HINFP: variants seen among roughly 807,000 people sequenced by gnomAD.
HINFP encodes the protein MBD2 (methyl-CpG-binding protein)-interacting zinc finger protein.
A neutral mutation model predicts 50.1 loss-of-function variants in HINFP; 20 were observed. The observed-to-expected ratio is 0.40, with a 90% confidence interval of 0.28 to 0.58. HINFP has a LOEUF of 0.58. Ranked by LOEUF, HINFP falls within the 20% of genes least tolerant of loss-of-function variation. HINFP has a pLI of 0.45. For missense variants in HINFP, 505 were observed against 664.1 expected (o/e 0.76, Z 2.63); for synonymous variants, 247 against 243.7 (o/e 1.01, Z -0.13).
At position 119,134,391 on chromosome 11, in the gene HINFP, C is replaced by T; in HGVS notation, c.1447C>T (p.Leu483=). 6.2e-7 allele frequency: 1 copy of T among 1,614,192 alleles called. No individual in the cohort carries two copies. The highest frequency in any genetic ancestry group is 1.1e-5 in the South Asian group (1 of 91,080). The change falls in exon 10 of 10, where the codon CTG becomes TTG. Residue 483 remains leucine (L), a synonymous_variant. Coordinates refer to ENST00000350777, the MANE Select transcript of HINFP (RefSeq NM_198971.3). The surrounding 1 kb of genome is among the most constrained non-coding windows in gnomAD (Gnocchi z 4.3). The part of the protein sequence containing the change: ...QGQQEIVYYV[L]SEAPGEPPPA... Reference sequence around the variant, plus strand: ...CCAGCAAGAGATCGTCTACTATGTGCTGTCTGAAGCCCCAGGGGAGCCTCC... The same window carrying T: ...CCAGCAAGAGATCGTCTACTATGTGTTGTCTGAAGCCCCAGGGGAGCCTCC...
chr11:119,131,613 A>C lies in HINFP; in HGVS notation c.490A>C (p.Lys164Gln). ...SLCCEYEAVG[K>Q]DNPVVLCGWK... is the part of the protein sequence containing the mutation. ...GTGCTGTGAATACGAAGCAGTCGGC[A>C]AGGACAACCCGGTGGTGCTGTGTGG... Residue 164 changes from lysine (K) to glutamine (Q), a missense_variant, in exon 4 of 10, where the codon AAG becomes CAG. Lys to Gln is a moderately conservative substitution (Grantham distance 53, BLOSUM62 1). Coordinates refer to ENST00000350777, the MANE Select transcript of HINFP (RefSeq NM_198971.3). The surrounding 1 kb of genome is among the most constrained non-coding windows in gnomAD (Gnocchi z 4.2). 1 of 1,614,154 alleles carries C rather than the reference A, an allele frequency of 6.2e-7. No homozygotes were observed. The highest frequency in any genetic ancestry group is 8.5e-7 in the Non-Finnish European group (1 of 1,179,994).
rs1555214271 is a variant in HINFP at position 119,131,216 on chromosome 11, G to A, written c.411+262G>A. The A allele has an allele frequency of 1.6e-6, 1 of 641,752 alleles. No homozygotes were observed. Among genetic ancestry groups the A allele is most frequent in the Non-Finnish European group, 2.9e-6 (1 of 349,718 alleles). The allele number at this position is 641,752 out of a possible 1,614,324, so 39.8% of individuals were successfully genotyped here. On this transcript the variant is annotated intron_variant, in intron 3 of 9. Transcript: ENST00000350777. This position sits in a 1 kb window ranked among gnomAD's most constrained non-coding sequence, Gnocchi z 4.2. ...CAATCCTCCCACCTCAGCCTCCCAA[G>A]TAGCTAGGACTACAGGCATGTACCA...
In HINFP at chr11:119,131,001, T is replaced by G. The variant is rs1947721422; in HGVS notation, c.411+47T>G. ...TTGGGGTGGAAGGAAGCTGGGGGTC[T>G]TAACTCTGATGCCTTGTCCCTTTCA... On this transcript the variant is annotated intron_variant, in intron 3 of 9. Transcript: ENST00000350777. The surrounding 1 kb of genome is among the most constrained non-coding windows in gnomAD (Gnocchi z 4.2). 1 of 1,431,554 alleles carries G rather than the reference T, an allele frequency of 7.0e-7. No individual in the cohort carries two copies. Among genetic ancestry groups the G allele is most frequent in the Admixed American group, 1.7e-5 (1 of 59,642 alleles). The allele number at this position is 1,431,554 out of a possible 1,614,324, so 88.7% of individuals were successfully genotyped here.
intron 1 of HINFP, chr11:119,125,991 G>A (rs564897720): frequency 6.6e-6 from 1 of 152,336 alleles, no homozygotes; most frequent in African/African-American, 2.4e-5. Context: ...ATTACCACTA[G>A]TGTGTGGCCG....
chr11:119,128,574 C>A (rs913851260), intron 2 of HINFP, among the ~76,000 whole-genome samples: 1 of 152,016 alleles, frequency 6.6e-6, no homozygotes, highest in African/African-American at 2.4e-5. Flanking sequence ...GTGATCCGCC[C>A]GCCTCAGCCT....
At chr11:119,124,655 A>T in intron 1 of HINFP, 1 of 152,202 alleles carries the variant, frequency 6.6e-6, no homozygotes, top group East Asian at 1.9e-4. Context: ...CAGGCGCTGG[A>T]TAACTACATT....
At chr11:119,123,128 CAAAAAAAAAAA>C (rs1174844499) in intron 1 of HINFP, among the ~76,000 whole-genome samples, 39 of 76,816 alleles carry the variant, frequency 5.1e-4, no homozygotes, top group Middle Eastern at 0.019. Context: ...ACTCCATCTC[CAAAAAAAAAAA>C]AAAAAAAAAA....
Position 119,134,400 on chromosome 11 carries a change from G to A in HINFP, c.1456G>A (p.Ala486Thr). 1 of 1,614,150 alleles carries A rather than the reference G, an allele frequency of 6.2e-7. No individual in the cohort carries two copies. The highest frequency in any genetic ancestry group is 8.5e-7 in the Non-Finnish European group (1 of 1,179,986). Residue 486 changes from alanine (A) to threonine (T), a missense_variant, in exon 10 of 10, where the codon GCC (alanine) becomes ACC (threonine). By Grantham distance (58) the Ala-to-Thr change is moderately conservative. Transcript: ENST00000350777. This position sits in a 1 kb window ranked among gnomAD's most constrained non-coding sequence, Gnocchi z 4.3. ...QEIVYYVLSE[A>T]PGEPPPAPEP... ...GATCGTCTACTATGTGCTGTCTGAA[G>A]CCCCAGGGGAGCCTCCCCCAGCCCC...
chr11:119,132,787 G>T lies in HINFP; in HGVS notation c.875+6G>T. The T allele has an allele frequency of 6.2e-7, 1 of 1,613,546 alleles. No homozygotes were observed. The highest frequency in any genetic ancestry group is 1.1e-5 in the South Asian group (1 of 91,078). On this transcript the variant is annotated splice_donor_region_variant and intron_variant, in intron 7 of 9. Coordinates refer to ENST00000350777, the MANE Select transcript of HINFP (RefSeq NM_198971.3). ...TGTGACTGTTGTGACTACAGGTAAG[G>T]GGGACCAGGGACCAGAAAACAGCTC...
In HINFP at chr11:119,132,878, T is replaced by C. The variant is rs765009336; in HGVS notation, c.890T>C (p.Ile297Thr). 18 of 1,614,112 alleles carry C rather than the reference T, an allele frequency of 1.1e-5. No homozygotes were observed. The highest frequency in any genetic ancestry group is 2.2e-5 in the East Asian group (1 of 44,896). The change falls in exon 8 of 10, where the codon ATT becomes ACT. Residue 297 changes from isoleucine to threonine, a missense_variant. Ile to Thr is a moderately conservative substitution (Grantham distance 89). Transcript: ENST00000350777. ...TCTCATGGCAGCTGCAAGAATCTTATTGACCTCCAGAAGCACCTGGATACC... is the reference window on the plus strand; with the variant it reads ...TCTCATGGCAGCTGCAAGAATCTTACTGACCTCCAGAAGCACCTGGATACC... ...DCCDYSCKNL[I>T]DLQKHLDTHS... is the part of the protein sequence containing the mutation.
rs1193681208 is a variant in HINFP, at chr11:119,134,041, C to T, written c.1140-43C>T. 4.3e-6 allele frequency: 7 copies of T among 1,613,048 alleles called. No homozygotes were observed. The highest frequency in any genetic ancestry group is 1.7e-5 in the Admixed American group (1 of 59,968). On this transcript the variant is annotated intron_variant, in intron 9 of 9. Transcript: ENST00000350777. This position sits in a 1 kb window ranked among gnomAD's most constrained non-coding sequence, Gnocchi z 4.3. ...TGCCAGCCTCGGCCATTTCTGTATC[C>T]CCCTGCCTGGGTTTGCTGCCCTTTA...
intron 1 of HINFP, 27 bp from the exon 2 acceptor site, chr11:119,126,908 G>C: frequency 6.3e-7 from 1 of 1,577,084 alleles, no homozygotes; most frequent in Non-Finnish European, 8.6e-7. Flanking sequence ...AATTCTTGCA[G>C]CTGTGGATTT....
At chr11:119,122,127 C>T (rs985481002) in intron 1 of HINFP, 2 of 152,204 alleles carry the variant, frequency 1.3e-5, no homozygotes, top group Non-Finnish European at 2.9e-5. Context: ...CATTCATTGT[C>T]TTGCGTTACA....
rs1338007612 is a variant in HINFP, at chr11:119,131,026, A to G, written c.411+72A>G. The G allele has an allele frequency of 3.4e-6, 4 of 1,189,046 alleles. No homozygotes were observed. Among genetic ancestry groups the G allele is most frequent in the Admixed American group, 3.4e-5 (2 of 58,066 alleles). 73.7% of individuals were successfully genotyped at this position (1,189,046 alleles called of 1,614,324 possible). On this transcript the variant is annotated intron_variant, in intron 3 of 9. Transcript: ENST00000350777. This position sits in a 1 kb window ranked among gnomAD's most constrained non-coding sequence, Gnocchi z 4.2. ...TTAACTCTGATGCCTTGTCCCTTTC[A>G]GGGATGCCTTATATTTCCAAGATTC...
rs372469263 is a variant in HINFP, at chr11:119,131,477, A to G, written c.412-58A>G. 1 of 1,156,702 alleles carries G rather than the reference A, an allele frequency of 8.6e-7. No homozygotes were observed. The highest frequency in any genetic ancestry group is 1.5e-5 in the African/African-American group (1 of 66,278). The allele number at this position is 1,156,702 out of a possible 1,614,324, so 71.7% of individuals were successfully genotyped here. ...AGAGAGCCAAGAATTCTTCGGGCAC[A>G]TAGGGGTGAGTCCCTCTACCCACCC... On this transcript the variant is annotated intron_variant, in intron 3 of 9. Coordinates refer to ENST00000350777, the MANE Select transcript of HINFP (RefSeq NM_198971.3). This position sits in a 1 kb window ranked among gnomAD's most constrained non-coding sequence, Gnocchi z 4.2.
rs750030606 is a variant in HINFP, at chr11:119,131,652, G to C, written c.523+6G>C. ...GGTGCTGTGTGGCTGGAAAGGTAGG[G>C]CTGCTTCTTAACTTGTGGCTTCTGG... On this transcript the variant is annotated splice_donor_region_variant and intron_variant, in intron 4 of 9. Transcript: ENST00000350777. The surrounding 1 kb of genome is among the most constrained non-coding windows in gnomAD (Gnocchi z 4.2). 2.5e-6 allele frequency: 4 copies of C among 1,611,596 alleles called. No homozygotes were observed. Among genetic ancestry groups the C allele is most frequent in the Non-Finnish European group, 3.4e-6 (4 of 1,177,828 alleles).
In HINFP at chr11:119,131,019, C is replaced by A; in HGVS notation, c.411+65C>A. The A allele has an allele frequency of 7.9e-7, 1 of 1,257,966 alleles. No individual in the cohort carries two copies. Among genetic ancestry groups the A allele is most frequent in the Non-Finnish European group, 1.2e-6 (1 of 856,714 alleles). The allele number at this position is 1,257,966 out of a possible 1,614,324, so 77.9% of individuals were successfully genotyped here. A position where few individuals can be genotyped will look rare whatever the true frequency, so the allele number is the denominator to read the frequency against. ...GGGGGTCTTAACTCTGATGCCTTGT[C>A]CCTTTCAGGGATGCCTTATATTTCC... On this transcript the variant is annotated intron_variant, in intron 3 of 9. Transcript: ENST00000350777. This position sits in a 1 kb window ranked among gnomAD's most constrained non-coding sequence, Gnocchi z 4.2.
rs775003885 is a variant in HINFP, at chr11:119,134,011, T to G, written c.1140-73T>G. On this transcript the variant is annotated intron_variant, in intron 9 of 9. Coordinates refer to ENST00000350777, the MANE Select transcript of HINFP (RefSeq NM_198971.3). This position sits in a 1 kb window ranked among gnomAD's most constrained non-coding sequence, Gnocchi z 4.3. ...TCTTCCATCCCTCATGTTTGTTCCT[T>G]ACTTTGCCAGCCTCGGCCATTTCTG... The G allele has an allele frequency of 1.2e-6, 2 of 1,605,698 alleles. No individual in the cohort carries two copies. The highest frequency in any genetic ancestry group is 2.2e-5 in the South Asian group (2 of 90,740).
Position 119,131,490 on chromosome 11 carries a change from C to T in HINFP, c.412-45C>T. On this transcript the variant is annotated intron_variant, in intron 3 of 9. Coordinates refer to ENST00000350777, the MANE Select transcript of HINFP (RefSeq NM_198971.3). This position sits in a 1 kb window ranked among gnomAD's most constrained non-coding sequence, Gnocchi z 4.2. ...TTCTTCGGGCACATAGGGGTGAGTC[C>T]CTCTACCCACCCTCAGTCCTCACCC... 1.5e-6 allele frequency: 2 copies of T among 1,319,050 alleles called. No homozygotes were observed. The highest frequency in any genetic ancestry group is 2.2e-6 in the Non-Finnish European group (2 of 910,336). The allele number at this position is 1,319,050 out of a possible 1,614,324, so 81.7% of individuals were successfully genotyped here. A position where few individuals can be genotyped will look rare whatever the true frequency, so the allele number is the denominator to read the frequency against.
Sources: allele counts gnomAD v4.1 joint callset (sites outside exome capture counted in the v4.1 genomes callset), GRCh38; gene constraint gnomAD v4.1.1; non-coding constraint Gnocchi (gnomAD v3.1); transcripts MANE v1.5; gene names NCBI Gene and HGNC (gene_info 2026-07-23, HGNC 2026-07-21).